The following OR10J1 variants were observed in gnomAD, a reference collection of about 807,000 sequenced individuals.
OR10J1 encodes olfactory receptor 10J1.
For synonymous variants in OR10J1, 202 were observed against 143.8 expected (o/e 1.40, Z -2.89); for missense variants, 474 against 376.6 (o/e 1.26, Z -2.14).
chr1:159,411,973 A>C, the OR10J1 span, among the ~76,000 whole-genome samples: 1 of 152,164 alleles, frequency 6.6e-6, no homozygotes, highest in Non-Finnish European at 1.5e-5. Context: ...TAAGCTGATA[A>C]GCAACTTCAG....
At chr1:159,413,344 T>C in the OR10J1 span, among the ~76,000 whole-genome samples, 36 of 152,012 alleles carry the variant, frequency 2.4e-4, no homozygotes, top group East Asian at 6.6e-3. Context: ...ACTGGGTATA[T>C]ACCCAAAGGA....
Position 159,440,238 on chromosome 1 carries a change from C to T in OR10J1, c.447C>T (p.Cys149=), listed in dbSNP as rs1419969167. The change falls in exon 1 of 1, where the codon TGC becomes TGT. Residue 149 remains cysteine, a synonymous_variant. Transcript: ENST00000423932. ...RLRIQLVLGA[C]SIGLIVAITQ... is the part of the protein sequence containing the mutation. ...GTATCCAACTTGTCCTGGGGGCCTGCAGCATTGGGCTGATTGTAGCAATAA... is the reference window on the plus strand; with the variant it reads ...GTATCCAACTTGTCCTGGGGGCCTGTAGCATTGGGCTGATTGTAGCAATAA... 6.2e-7 allele frequency: 1 copy of T among 1,614,140 alleles called. No individual in the cohort carries two copies. The highest frequency in any genetic ancestry group is 1.7e-5 in the Admixed American group (1 of 60,006).
At chr1:159,414,041 C>G in the OR10J1 span, among the ~76,000 whole-genome samples, 2,796 of 151,890 alleles carry the variant, frequency 0.018, 82 homozygotes, top group African/African-American at 0.059. Context: ...ATGATCAAAT[C>G]AGCGTATTTA....
At chr1:159,409,671 G>A in the OR10J1 span, among the ~76,000 whole-genome samples, 225 of 152,082 alleles carry the variant, frequency 1.5e-3, no homozygotes, top group African/African-American at 5.2e-3. Flanking sequence ...TAATGATAAA[G>A]TCTCTCCATT....
At chr1:159,424,052 T>C in the OR10J1 span, among the ~76,000 whole-genome samples, 1 of 151,870 alleles carries the variant, frequency 6.6e-6, no homozygotes, top group Non-Finnish European at 1.5e-5. Context: ...CCATCTCTAA[T>C]AAAAATACAA....
At chr1:159,410,721 T>C in the OR10J1 span, among the ~76,000 whole-genome samples, 6 of 151,078 alleles carry the variant, frequency 4.0e-5, no homozygotes, top group African/African-American at 1.5e-4. Context: ...TGATTTTAGT[T>C]ATTTCTTGTC....
the OR10J1 span, chr1:159,406,193 G>A: frequency 1.9e-6 from 1 of 517,632 alleles, no homozygotes; most frequent in Non-Finnish European, 4.0e-6. Flanking sequence ...AAGTACATGG[G>A]GGTGTGGAGG....
Position 159,439,779 on chromosome 1 carries a change from T to G in OR10J1, c.-13T>G. The G allele has an allele frequency of 6.2e-7, 1 of 1,613,866 alleles. No homozygotes were observed. The highest frequency in any genetic ancestry group is 8.5e-7 in the Non-Finnish European group (1 of 1,179,792). On this transcript the variant is annotated 5_prime_UTR_variant, in exon 1 of 1. Transcript: ENST00000423932. ...CTTTTATGCTTTTATGTTTCAGATT[T>G]GGGAACCAATCCATGAAAAGAGAGA...
the OR10J1 span, among the ~76,000 whole-genome samples, chr1:159,427,678 A>G: frequency 1.4e-4 from 21 of 152,114 alleles, no homozygotes; most frequent in African/African-American, 5.1e-4. Context: ...ACAAAGACAC[A>G]AAAAACAACA....
At chr1:159,414,164 A>G in the OR10J1 span, among the ~76,000 whole-genome samples, 1 of 152,034 alleles carries the variant, frequency 6.6e-6, no homozygotes, top group African/African-American at 2.4e-5. Flanking sequence ...CAGTCACCCT[A>G]ACCTGCTGTG....
the OR10J1 span, among the ~76,000 whole-genome samples, chr1:159,427,754 CT>C: frequency 6.6e-6 from 1 of 151,982 alleles, no homozygotes; most frequent in African/African-American, 2.4e-5. Context: ...AATTGCAAAC[CT>C]TTCATACCAA....
upstream of OR10J1, among the ~76,000 whole-genome samples, chr1:159,434,459 C>G (rs1208717525): frequency 6.6e-6 from 1 of 152,024 alleles, no homozygotes; most frequent in Non-Finnish European, 1.5e-5. Context: ...TGGTGCATCC[C>G]TTTTTCACTC....
rs12070985 is a variant in OR10J1, at chr1:159,440,175, C to A, written c.384C>A (p.Asn128Lys). The part of the protein sequence containing the change: ...MGYDRYVAIC[N>K]PLRYMVIMNK... ...ATGACCGCTATGTGGCCATCTGCAA[C>A]CCCCTGAGATACATGGTTATTATGA... The change falls in exon 1 of 1, where the codon AAC (asparagine) becomes AAA (lysine). Residue 128 changes from asparagine to lysine, a missense_variant. Physicochemically the swap from Asn to Lys is moderately conservative, Grantham distance 94. Transcript: ENST00000423932. 6.2e-7 allele frequency: 1 copy of A among 1,614,022 alleles called. No individual in the cohort carries two copies. Among genetic ancestry groups the A allele is most frequent in the Non-Finnish European group, 8.5e-7 (1 of 1,179,956 alleles).
Position 159,440,310 on chromosome 1 carries a change from G to A in OR10J1, c.519G>A (p.Val173=). 1 of 1,614,114 alleles carries A rather than the reference G, an allele frequency of 6.2e-7. No homozygotes were observed. The highest frequency in any genetic ancestry group is 1.1e-5 in the South Asian group (1 of 91,080). Reference sequence around the variant, plus strand: ...GGTTACCCTTCTGTGCTAGAAAGGTGCCCCACTTCTTCTGTGACATCCGCC... The same window carrying A: ...GGTTACCCTTCTGTGCTAGAAAGGTACCCCACTTCTTCTGTGACATCCGCC... The part of the protein sequence containing the change: ...VFRLPFCARK[V]PHFFCDIRPV... The change falls in exon 1 of 1, where the codon GTG becomes GTA. Residue 173 remains valine (V), a synonymous_variant. Transcript: ENST00000423932.
chr1:159,400,620 G>T, the OR10J1 span, among the ~76,000 whole-genome samples: 1 of 150,396 alleles, frequency 6.6e-6, no homozygotes, highest in Non-Finnish European at 1.5e-5. Flanking sequence ...GATATATAAA[G>T]AAAATACTAT....
chr1:159,408,521 C>T, the OR10J1 span, among the ~76,000 whole-genome samples: 9 of 150,790 alleles, frequency 6.0e-5, no homozygotes, highest in East Asian at 2.0e-4. Context: ...TGCTAGATGA[C>T]GAGTTGGTGG....
chr1:159,424,748 T>C, the OR10J1 span, among the ~76,000 whole-genome samples: 1 of 152,058 alleles, frequency 6.6e-6, no homozygotes, highest in South Asian at 2.1e-4. Flanking sequence ...TGAAGATTGA[T>C]AGAAGAGGTA....
the OR10J1 span, among the ~76,000 whole-genome samples, chr1:159,399,181 T>C: frequency 1.3e-5 from 2 of 152,076 alleles, no homozygotes; most frequent in Non-Finnish European, 2.9e-5. Context: ...TCTAGAATAG[T>C]ATATCCAGCA....
chr1:159,434,618 G>A (rs188406291), upstream of OR10J1, among the ~76,000 whole-genome samples: 13 of 152,232 alleles, frequency 8.5e-5, no homozygotes, highest in East Asian at 2.3e-3. Flanking sequence ...TGTAGATAGA[G>A]TACAGGCTTT....
Sources: allele counts gnomAD v4.1 joint callset (sites outside exome capture counted in the v4.1 genomes callset), GRCh38; gene constraint gnomAD v4.1.1; transcripts MANE v1.5; gene names NCBI Gene and HGNC (gene_info 2026-07-23, HGNC 2026-07-21).